Variants in DIP2C observed in about 807,000 individuals in gnomAD.
DIP2C encodes the protein DIP2 acetate--CoA ligase C (putative), also known as disco-interacting protein 2 homolog C.
A neutral mutation model predicts 192.4 loss-of-function variants in DIP2C; 33 were observed. The ratio of observed to expected loss-of-function variants is 0.17; its 90% CI spans 0.13 to 0.23. DIP2C has a LOEUF of 0.23. Among genes scored for constraint, DIP2C ranks in the 10% least tolerant of loss-of-function variants. The probability of loss-of-function intolerance (pLI) is 1.00; values close to 1 mark genes in which losing one functional copy is unlikely to be tolerated. For missense variants in DIP2C, 1,537 were observed against 2,110.1 expected (o/e 0.73, Z 5.32); for synonymous variants, 979 against 864.1 (o/e 1.13, Z -2.33).
In DIP2C at chr10:454,047, A is replaced by C. The variant is rs1003673926; in HGVS notation, c.269-13051T>G. ...GACTCAGATCCATGGTTTCTGAAGA[A>C]GGCAATAAAGGGTGAATTTGGAGCT... is the stretch of plus-strand genomic sequence containing the variant. On this transcript the variant is annotated intron_variant, in intron 3 of 36. Transcript: ENST00000280886. Among the ~76,000 whole-genome samples the C allele has an allele frequency of 3.3e-5, 5 of 152,374 alleles. No individual in the cohort carries two copies. In the South Asian group the frequency reaches 8.3e-4, roughly 25 times the overall value.
chr10:399,235 G>C lies in DIP2C; in HGVS notation c.1150-16C>G. 1 of 1,611,288 alleles carries C rather than the reference G, an allele frequency of 6.2e-7. No homozygotes were observed. Among genetic ancestry groups the C allele is most frequent in the Non-Finnish European group, 8.5e-7 (1 of 1,177,574 alleles). The stretch of plus-strand genomic sequence containing the variant: ...CCAGTGCCACCTGTGGGACAGGCCA[G>C]AGCGGGTCAGCATTAACGTGGGGTC... On this transcript the variant is annotated splice_polypyrimidine_tract_variant and intron_variant, in intron 9 of 36. Coordinates refer to ENST00000280886, the MANE Select transcript of DIP2C (RefSeq NM_014974.3).
intron 2 of DIP2C, among the ~76,000 whole-genome samples, chr10:482,019 AT>A (rs1843650206): frequency 1.3e-5 from 2 of 152,214 alleles, no homozygotes; most frequent in Admixed American, 6.5e-5. Context: ...TGACAGTGGT[AT>A]TTCAGAGACA....
intron 3 of DIP2C, among the ~76,000 whole-genome samples, chr10:460,784 A>C (rs1969709551): frequency 6.6e-6 from 1 of 152,184 alleles, no homozygotes; most frequent in East Asian, 1.9e-4. Flanking sequence ...TGAAGGAAAA[A>C]ATGTTAAGGG....
intron 9 of DIP2C, among the ~76,000 whole-genome samples, chr10:406,932 C>T (rs755028522): frequency 1.3e-5 from 2 of 152,088 alleles, no homozygotes; most frequent in Non-Finnish European, 2.9e-5. Flanking sequence ...CACCCAGGAA[C>T]AGAAGACAGC....
intron 1 of DIP2C, among the ~76,000 whole-genome samples, chr10:538,698 A>T (rs1015997676): frequency 3.9e-5 from 6 of 152,240 alleles, no homozygotes; most frequent in Admixed American, 3.3e-4. Flanking sequence ...AGAACCTCAA[A>T]TTACCCAGGA....
rs539902693 is a variant in DIP2C, at chr10:636,519, C to T, written c.85+52975G>A. 2.6e-5 allele frequency among the ~76,000 whole-genome samples: 4 copies of T among 152,160 alleles called. No homozygotes were observed. Among genetic ancestry groups the T allele is most frequent in the Non-Finnish European group, 5.9e-5 (4 of 68,032 alleles). ...CTCGCCGAGTCCTCACGCACGCGTT[C>T]CCTAAGAATAAAGGACCCTCTGCAG... is the stretch of plus-strand genomic sequence containing the variant. On this transcript the variant is annotated intron_variant, in intron 1 of 36. Coordinates refer to ENST00000280886, the MANE Select transcript of DIP2C (RefSeq NM_014974.3). This position sits in a 1 kb window ranked among gnomAD's most constrained non-coding sequence, Gnocchi z 4.6.
intron 1 of DIP2C, among the ~76,000 whole-genome samples, chr10:559,307 T>G (rs1337413869): frequency 7.0e-6 from 1 of 142,378 alleles, no homozygotes; most frequent in Non-Finnish European, 1.5e-5. Context: ...GAACAGCTGG[T>G]GTCCATGGGG....
intron 34 of DIP2C, 66 bp from the exon 35 acceptor site, chr10:283,512 C>G (rs1354613238): frequency 6.4e-7 from 1 of 1,567,852 alleles, no homozygotes; most frequent in East Asian, 2.2e-5. Flanking sequence ...GAGACTACAA[C>G]TACTTTGACA....
chr10:672,944 GTGAA>G lies in DIP2C; in HGVS notation c.85+16546_85+16549del, dbSNP rs751925324. On this transcript the variant is annotated intron_variant, in intron 1 of 36. Coordinates refer to ENST00000280886, the MANE Select transcript of DIP2C (RefSeq NM_014974.3). ...GTACAAAAAATGTAGGAATTGTACA[GTGAA>G]TACCCATGTATCAACCCCCTGGATC... 9.2e-4 allele frequency among the ~76,000 whole-genome samples: 140 copies of G among 152,368 alleles called. 2 individuals are homozygous for G. Among genetic ancestry groups the G allele is most frequent in the South Asian group, 8.3e-4 (4 of 4,832 alleles).
At chr10:550,000 G>A (rs972553606) in intron 1 of DIP2C, among the ~76,000 whole-genome samples, 4 of 145,490 alleles carry the variant, frequency 2.7e-5, no homozygotes, top group Non-Finnish European at 3.0e-5. Flanking sequence ...AACAAGGGAC[G>A]TGTAGCTTTT....
At chr10:326,123 G>A (rs1161777255) in intron 31 of DIP2C, among the ~76,000 whole-genome samples, 1 of 152,138 alleles carries the variant, frequency 6.6e-6, no homozygotes, top group Non-Finnish European at 1.5e-5. Context: ...GGGGGCAGGG[G>A]GTTGAGGCTG....
rs796288015 is a variant in DIP2C at position 325,791 on chromosome 10, TGAGA to T, written c.3924+1211_3924+1214del. On this transcript the variant is annotated intron_variant, in intron 31 of 36. Transcript: ENST00000280886. ...CATAGGACAAGGTTTAACTGACTCT[TGAGA>T]GAAATTTGGTAATTTATAATTTCTT... 1.3e-4 allele frequency among the ~76,000 whole-genome samples: 20 copies of T among 152,238 alleles called. No homozygotes were observed. In the East Asian group the frequency reaches 2.5e-3, roughly 19 times the overall value.
intron 24 of DIP2C, among the ~76,000 whole-genome samples, chr10:350,279 G>T (rs527963365): frequency 2.6e-5 from 4 of 152,268 alleles, no homozygotes; most frequent in Non-Finnish European, 4.4e-5. Context: ...TAGAGATGGG[G>T]TCTCCCTACA....
intron 1 of DIP2C, among the ~76,000 whole-genome samples, chr10:677,976 T>G (rs928932877): frequency 1.3e-5 from 2 of 152,242 alleles, no homozygotes; most frequent in Non-Finnish European, 2.9e-5. Context: ...AGCACAAGAA[T>G]GCCCATGTCA....
intron 29 of DIP2C, among the ~76,000 whole-genome samples, chr10:336,224 G>A (rs552170107): frequency 6.6e-6 from 1 of 152,254 alleles, no homozygotes; most frequent in African/African-American, 2.4e-5. Context: ...TTAAAAATCA[G>A]CATCCCTGAG....
chr10:532,859 G>C (rs977810678), intron 1 of DIP2C, among the ~76,000 whole-genome samples: 3 of 152,064 alleles, frequency 2.0e-5, no homozygotes, highest in Non-Finnish European at 2.9e-5. Context: ...GTGCTATCAC[G>C]GTTCAACTGC....
intron 3 of DIP2C, among the ~76,000 whole-genome samples, chr10:462,243 C>G (rs1297827813): frequency 1.3e-5 from 2 of 152,118 alleles, no homozygotes; most frequent in African/African-American, 4.8e-5. Flanking sequence ...AATCCAGGAG[C>G]TGGTTTTTGG....
chr10:594,798 C>A (rs1417603990), intron 1 of DIP2C, among the ~76,000 whole-genome samples: 1 of 152,194 alleles, frequency 6.6e-6, no homozygotes, highest in Non-Finnish European at 1.5e-5. Flanking sequence ...GGCGGAATCT[C>A]GACTCTCCGG....
chr10:299,097 T>A (rs1297658834), intron 32 of DIP2C, among the ~76,000 whole-genome samples: 2 of 152,256 alleles, frequency 1.3e-5, no homozygotes, highest in East Asian at 3.8e-4. Context: ...TTGTTAATAT[T>A]ATGTTCCATC....
Sources: allele counts gnomAD v4.1 joint callset (sites outside exome capture counted in the v4.1 genomes callset), GRCh38; gene constraint gnomAD v4.1.1; non-coding constraint Gnocchi (gnomAD v3.1); transcripts MANE v1.5; gene names NCBI Gene and HGNC (gene_info 2026-07-23, HGNC 2026-07-21).